RBFOX1: variants seen among roughly 807,000 people sequenced by gnomAD.
RBFOX1 encodes the protein RNA binding fox-1 homolog 1, also known as RNA binding protein fox-1 homolog 1.
RBFOX1 carries 8 observed loss-of-function variants against 57.7 expected under a neutral mutation model. The observed-to-expected ratio is 0.14, with a 90% CI of 0.08 to 0.25. RBFOX1 has a LOEUF of 0.25. Ranked by LOEUF, RBFOX1 falls within the 10% of genes least tolerant of loss-of-function variation. RBFOX1 has a pLI of 1.00. For synonymous variants in RBFOX1, 326 were observed against 222.4 expected, an observed-to-expected ratio of 1.47 and a Z score of -4.15; for missense variants, 611 against 548.5, an observed-to-expected ratio of 1.11 and a Z score of -1.14.
chr16:5,618,668 C>CA (rs776938791), intron 3 of RBFOX1, among the ~76,000 whole-genome samples: 4 of 152,126 alleles, frequency 2.6e-5, no homozygotes, highest in Non-Finnish European at 4.4e-5. Context: ...AGTTATACCT[C>CA]AAAAAAACTG....
At chr16:6,938,747 C>G (rs2077801007) in intron 3 of RBFOX1, among the ~76,000 whole-genome samples, 1 of 152,150 alleles carries the variant, frequency 6.6e-6, no homozygotes, top group East Asian at 1.9e-4. Context: ...GTTTGGCTGT[C>G]AGGGTGAAAC....
chr16:6,985,212 A>AT (rs575298554), intron 3 of RBFOX1, among the ~76,000 whole-genome samples: 4 of 145,124 alleles, frequency 2.8e-5, no homozygotes, highest in South Asian at 4.7e-4. Flanking sequence ...TCATGGAAAG[A>AT]TTTTTTTCTC....
chr16:5,955,283 CAATAAAATAA>C lies in RBFOX1; in HGVS notation c.351+88010_351+88019del, dbSNP rs1168606127. On this transcript the variant is annotated intron_variant, in intron 4 of 19. Coordinates refer to the RBFOX1 transcript ENST00000641259. ...GTGACAAGAGTGAGACTCTGTCTCC[CAATAAAATAA>C]AATAAAATAAAATAAAATAAAATAA... is the stretch of plus-strand genomic sequence containing the variant. Among the ~76,000 whole-genome samples, 100 of 111,616 alleles carry C rather than the reference CAATAAAATAA, an allele frequency of 9.0e-4. 1 individual carries two copies. The highest frequency in any genetic ancestry group is 3.2e-3 in the East Asian group (13 of 4,112). The allele number at this position is 111,616 out of a possible 152,430, so 73.2% of individuals were successfully genotyped here.
chr16:6,870,530 A>C (rs1401586728), intron 3 of RBFOX1, among the ~76,000 whole-genome samples: 4 of 152,222 alleles, frequency 2.6e-5, no homozygotes, highest in African/African-American at 9.6e-5. Context: ...TGCTAGTGGA[A>C]CATACTGGAT....
intron 5 of RBFOX1, among the ~76,000 whole-genome samples, chr16:7,535,776 T>C (rs975239352): frequency 6.6e-6 from 1 of 152,254 alleles, no homozygotes; most frequent in Admixed American, 6.5e-5. Flanking sequence ...ACTTAAAATT[T>C]AATATTTGGC....
chr16:6,599,697 C>G (rs73538048), intron 2 of RBFOX1, among the ~76,000 whole-genome samples: 11,875 of 152,124 alleles, frequency 0.078, 1,581 homozygotes, highest in African/African-American at 0.27. Context: ...GCTGTGGAGC[C>G]GAACTTCTCC....
At chr16:6,158,786 G>A (rs1429158587) in intron 1 of RBFOX1, among the ~76,000 whole-genome samples, 4 of 152,126 alleles carry the variant, frequency 2.6e-5, no homozygotes, top group African/African-American at 9.7e-5. Flanking sequence ...TATTGCTCTG[G>A]GAAACTGGGG....
intron 3 of RBFOX1, among the ~76,000 whole-genome samples, chr16:5,859,489 C>T (rs933371847): frequency 5.3e-5 from 8 of 152,150 alleles, no homozygotes; most frequent in Middle Eastern, 3.2e-3. Context: ...AGAGTAAGGA[C>T]GTATAAAGAT....
intron 2 of RBFOX1, among the ~76,000 whole-genome samples, chr16:5,469,457 A>G (rs529191151): frequency 9.1e-4 from 138 of 152,322 alleles, no homozygotes; most frequent in African/African-American, 3.2e-3. Context: ...GCTTCTGTCT[A>G]CGCTGCCTGA....
At chr16:6,615,331 A>T (rs2098126789) in intron 2 of RBFOX1, among the ~76,000 whole-genome samples, 1 of 152,166 alleles carries the variant, frequency 6.6e-6, no homozygotes, top group African/African-American at 2.4e-5. Context: ...GTACTTTGGG[A>T]GGCCAAGGCG....
intron 1 of RBFOX1, among the ~76,000 whole-genome samples, chr16:6,044,136 G>T (rs565177859): frequency 6.6e-6 from 1 of 152,024 alleles, no homozygotes; most frequent in African/African-American, 2.4e-5. Context: ...AGTGACTGAG[G>T]GTAGTCATAT....
At position 6,231,529 on chromosome 16, in the gene RBFOX1, G is replaced by A. The variant is rs1462510463; in HGVS notation, c.-126-85466G>A. On this transcript the variant is annotated intron_variant, in intron 1 of 15. Transcript: ENST00000550418. ...TTTGGCTTCTCATGTTGGCATTAACGCTAATTTACCATGTGTCCTTGGCAA... is the reference window on the plus strand; with the variant it reads ...TTTGGCTTCTCATGTTGGCATTAACACTAATTTACCATGTGTCCTTGGCAA... 2.6e-5 allele frequency among the ~76,000 whole-genome samples: 4 copies of A among 152,268 alleles called. No homozygotes were observed. The East Asian group carries it at 5.8e-4, about 22-fold the overall frequency.
At chr16:5,474,756 T>A (rs1328412336) in intron 2 of RBFOX1, among the ~76,000 whole-genome samples, 2 of 152,240 alleles carry the variant, frequency 1.3e-5, no homozygotes, top group African/African-American at 4.8e-5. Context: ...TTCTTTATTT[T>A]TCATATGAGA....
At chr16:7,345,323 T>A (rs1286417352) in intron 4 of RBFOX1, among the ~76,000 whole-genome samples, 2 of 152,180 alleles carry the variant, frequency 1.3e-5, no homozygotes, top group African/African-American at 4.8e-5. Context: ...AGGGGCCTGC[T>A]CTCGGGGAGG....
chr16:7,701,233 G>A (rs1159450972), intron 14 of RBFOX1, among the ~76,000 whole-genome samples: 2 of 145,288 alleles, frequency 1.4e-5, no homozygotes, highest in Admixed American at 6.7e-5. Flanking sequence ...TATCATTTTT[G>A]GAGACTTTGC....
intron 3 of RBFOX1, among the ~76,000 whole-genome samples, chr16:5,701,097 G>C (rs1305487621): frequency 1.4e-5 from 2 of 140,788 alleles, no homozygotes; most frequent in Non-Finnish European, 3.2e-5. Flanking sequence ...TTGCCCTGAT[G>C]ATACCAGAAA....
chr16:6,953,665 G>C (rs2081219315), intron 3 of RBFOX1, among the ~76,000 whole-genome samples: 1 of 152,130 alleles, frequency 6.6e-6, no homozygotes, highest in Non-Finnish European at 1.5e-5. Flanking sequence ...GGGATTATGG[G>C]CATGAGCCAC....
chr16:6,218,448 G>A (rs11864602), intron 1 of RBFOX1, among the ~76,000 whole-genome samples: 141,459 of 152,054 alleles, frequency 0.93, 66,616 homozygotes, highest in East Asian at 1. Flanking sequence ...AGCTGGGACT[G>A]CAGGCACCCA....
chr16:7,337,733 G>A (rs2096819778), intron 4 of RBFOX1, among the ~76,000 whole-genome samples: 2 of 152,160 alleles, frequency 1.3e-5, no homozygotes, highest in Admixed American at 1.3e-4. Context: ...CACCCAGGCT[G>A]GAGTGCAGGG....
Sources: allele counts gnomAD v4.1 joint callset (sites outside exome capture counted in the v4.1 genomes callset), GRCh38; gene constraint gnomAD v4.1.1; transcripts MANE v1.5; gene names NCBI Gene and HGNC (gene_info 2026-07-23, HGNC 2026-07-21).